ECE1: variants seen among roughly 807,000 people sequenced by gnomAD.
ECE1 encodes endothelin converting enzyme 1, also known as endothelin-converting enzyme 1.
Under a neutral mutation model 98.6 loss-of-function variants are expected in ECE1, and 35 were observed. That is an observed-to-expected ratio of 0.35 (90% confidence interval 0.27 to 0.47). ECE1 has a LOEUF of 0.47. ECE1 is among the 20% of genes least tolerant of loss of function. The probability of loss-of-function intolerance (pLI) is 1.00; values close to 1 mark genes in which losing one functional copy is unlikely to be tolerated. For synonymous variants in ECE1, 394 were observed against 407.1 expected (o/e 0.97, Z 0.39); for missense variants, 814 against 1,025.3 (o/e 0.79, Z 2.81).
rs1356451269 is a variant in ECE1, at chr1:21,225,001, A to G, written c.2040+249T>C. Among the ~76,000 whole-genome samples, 3 of 152,184 alleles carry G rather than the reference A, an allele frequency of 2.0e-5. No individual in the cohort carries two copies. The highest frequency in any genetic ancestry group is 2.9e-5 in the Non-Finnish European group (2 of 68,042). On this transcript the variant is annotated intron_variant, in intron 17 of 18. Transcript: ENST00000374893. The surrounding 1 kb of genome is among the most constrained non-coding windows in gnomAD (Gnocchi z 5.3). ...AGGCTCTTCAGGCGGATGAAGCCCG[A>G]GCCCCTTCCTGTGTCTTTGTCAGGC... is the stretch of plus-strand genomic sequence containing the variant.
chr1:21,320,520 C>T (rs1379488558), intron 1 of ECE1, among the ~76,000 whole-genome samples: 2 of 152,160 alleles, frequency 1.3e-5, no homozygotes, highest in Non-Finnish European at 2.9e-5. Flanking sequence ...AATTCTTGGC[C>T]AGACTGTGCT....
rs61781567 is a variant in ECE1 at position 21,312,448 on chromosome 1, A to T, written c.4-22292T>A. 7.9e-4 allele frequency among the ~76,000 whole-genome samples: 117 copies of T among 148,206 alleles called. 1 individual carries two copies. Among genetic ancestry groups the T allele is most frequent in the Non-Finnish European group, 1.3e-3 (86 of 67,048 alleles). On this transcript the variant is annotated intron_variant, in intron 1 of 18. Coordinates refer to the ECE1 transcript ENST00000415912. The stretch of plus-strand genomic sequence containing the variant: ...AGTAAAATCCTGTCTCAAAAAAATA[A>T]TTTTAAAAATTTAAAAAATTAGCCT...
At position 21,290,300 on chromosome 1, in the gene ECE1, G is replaced by T; in HGVS notation, c.51+64C>A. 8.1e-7 allele frequency: 1 copy of T among 1,241,760 alleles called. No homozygotes were observed. Among genetic ancestry groups the T allele is most frequent in the Admixed American group, 4.2e-5 (1 of 23,650 alleles). 76.9% of individuals were successfully genotyped at this position (1,241,760 alleles called of 1,614,324 possible). ...CGAGACCGAGACCGGCCCACGGAGC[G>T]GCCCGCGCGGGGAGGGGTCCCGCCC... is the stretch of plus-strand genomic sequence containing the variant. On this transcript the variant is annotated intron_variant, in intron 1 of 18. Coordinates refer to ENST00000374893, the MANE Select transcript of ECE1 (RefSeq NM_001397.3). This position sits in a 1 kb window ranked among gnomAD's most constrained non-coding sequence, Gnocchi z 7.3.
Position 21,253,500 on chromosome 1 carries a change from C to T in ECE1, c.1020+2447G>A, listed in dbSNP as rs190154269. On this transcript the variant is annotated intron_variant, in intron 8 of 18. Transcript: ENST00000374893. ...ACCACAGGCCGGGCGCGGTGGCTCA[C>T]GCCTGTAATCCCAACACTCTGGGAG... is the stretch of plus-strand genomic sequence containing the variant. 5.6e-3 allele frequency among the ~76,000 whole-genome samples: 835 copies of T among 148,248 alleles called. 8 individuals carry two copies. Among genetic ancestry groups the T allele is most frequent in the African/African-American group, 0.02 (794 of 40,474 alleles).
chr1:21,282,822 A>G (rs1243903005), intron 2 of ECE1, among the ~76,000 whole-genome samples: 2 of 152,118 alleles, frequency 1.3e-5, no homozygotes, highest in Non-Finnish European at 2.9e-5. Context: ...GATGAAAGAA[A>G]CAGAGGGATA....
intron 1 of ECE1, among the ~76,000 whole-genome samples, chr1:21,325,990 C>T (rs1024921598): frequency 3.9e-5 from 6 of 152,268 alleles, no homozygotes; most frequent in South Asian, 4.2e-4. Context: ...ATTTCCACAA[C>T]GGAGCTCCCG....
intron 3 of ECE1, among the ~76,000 whole-genome samples, chr1:21,275,336 T>G (rs1162702678): frequency 6.6e-6 from 1 of 152,220 alleles, no homozygotes; most frequent in Non-Finnish European, 1.5e-5. Context: ...GGCTCATGCC[T>G]GTAATCCCAG....
intron 1 of ECE1, among the ~76,000 whole-genome samples, chr1:21,313,634 G>A (rs1467835304): frequency 6.6e-6 from 1 of 152,144 alleles, no homozygotes; most frequent in East Asian, 1.9e-4. Flanking sequence ...ACCTTGGAGT[G>A]GAAAGAACAA....
At chr1:21,334,079 A>C (rs1639260808) in intron 1 of ECE1, among the ~76,000 whole-genome samples, 2 of 152,178 alleles carry the variant, frequency 1.3e-5, no homozygotes, top group South Asian at 4.1e-4. Context: ...TACAACCCAC[A>C]TCTGTCTGGC....
intron 4 of ECE1, among the ~76,000 whole-genome samples, chr1:21,269,060 T>A (rs1067216): frequency 0.07 from 10,620 of 152,234 alleles, 1,157 homozygotes; most frequent in African/African-American, 0.23. Context: ...CTGAGAACTC[T>A]GTGGAGCAGC....
chr1:21,221,423 C>T (rs540989410), intron 18 of ECE1, among the ~76,000 whole-genome samples: 249 of 152,230 alleles, frequency 1.6e-3, no homozygotes, highest in African/African-American at 5.6e-3. Context: ...CCACTTGCCT[C>T]GGCCGCCCAA....
intron 10 of ECE1, among the ~76,000 whole-genome samples, chr1:21,242,082 A>G (rs982472798): frequency 1.3e-5 from 2 of 152,184 alleles, no homozygotes; most frequent in African/African-American, 4.8e-5. Flanking sequence ...AAACGGCTGC[A>G]TGCAGCGCTT....
At chr1:21,300,453 G>A (rs1455305476) in intron 1 of ECE1, among the ~76,000 whole-genome samples, 2 of 148,414 alleles carry the variant, frequency 1.3e-5, no homozygotes, top group Non-Finnish European at 3.0e-5. Context: ...TTTTTTTTTT[G>A]AGACAGAGTC....
chr1:21,235,047 A>G lies in ECE1; in HGVS notation c.1566+803T>C, dbSNP rs1199145624. Among the ~76,000 whole-genome samples the G allele has an allele frequency of 6.6e-6, 1 of 152,198 alleles. No homozygotes were observed. The highest frequency in any genetic ancestry group is 1.9e-4 in the East Asian group (1 of 5,198). On this transcript the variant is annotated intron_variant, in intron 13 of 18. Coordinates refer to ENST00000374893, the MANE Select transcript of ECE1 (RefSeq NM_001397.3). The surrounding 1 kb of genome is among the most constrained non-coding windows in gnomAD (Gnocchi z 4.2). ...TTAAATGCCTGAATTCAGGCTGGGC[A>G]TGGTGGCTCATGAATATGAGCCAGC... is the stretch of plus-strand genomic sequence containing the variant.
intron 1 of ECE1, among the ~76,000 whole-genome samples, chr1:21,317,935 T>C (rs1638867531): frequency 6.6e-6 from 1 of 152,232 alleles, no homozygotes; most frequent in Admixed American, 6.5e-5. Flanking sequence ...GTGACCCCAA[T>C]GTTCTTGAAC....
chr1:21,228,326 A>G (rs1376618152), intron 14 of ECE1, among the ~76,000 whole-genome samples: 2 of 152,040 alleles, frequency 1.3e-5, no homozygotes, highest in Admixed American at 6.5e-5. Flanking sequence ...CGGACTCCCA[A>G]AGTGCTGGAA....
chr1:21,343,971 C>T (rs1639449493), intron 1 of ECE1, among the ~76,000 whole-genome samples: 2 of 152,088 alleles, frequency 1.3e-5, no homozygotes, highest in South Asian at 4.2e-4. Context: ...TAGTGCACTC[C>T]CTGTGTCGGA....
At chr1:21,273,054 C>A in intron 3 of ECE1, 143 bp from the exon 4 acceptor site, 3 of 825,504 alleles carry the variant, frequency 3.6e-6, no homozygotes, top group South Asian at 1.4e-5. Flanking sequence ...GTCACTAGAC[C>A]CCTACAGAGA....
In ECE1 at chr1:21,297,217, G is replaced by T. The variant is rs555987826; in HGVS notation, c.4-7061C>A. Among the ~76,000 whole-genome samples the T allele has an allele frequency of 2.0e-5, 3 of 152,304 alleles. No homozygotes were observed. The East Asian group carries it at 5.8e-4, about 29-fold the overall frequency. On this transcript the variant is annotated intron_variant, in intron 1 of 18. Transcript: ENST00000415912. ...GACTCAACTGCCAGAGGCCCTGGGG[G>T]GCACCGGGAATCTTACCTAGTGTTG...
Sources: gnomAD v4.1 joint callset for allele counts (sites outside exome capture counted in the v4.1 genomes callset) on GRCh38, gnomAD v4.1.1 for gene constraint, Gnocchi (gnomAD v3.1) non-coding constraint, MANE v1.5 for transcripts, NCBI Gene and HGNC (gene_info 2026-07-23, HGNC 2026-07-21) for gene names.